The following NOS1 variants were observed in gnomAD, a reference collection of about 807,000 sequenced individuals.
The protein encoded by NOS1 is NOS type I.
Under a neutral mutation model 164.5 loss-of-function variants are expected in NOS1, and 51 were observed. That is an observed-to-expected ratio of 0.31 (90% CI 0.25 to 0.39). NOS1 has a LOEUF of 0.39. NOS1 is among the 10% of genes least tolerant of loss of function. NOS1 has a pLI of 1.00. For missense variants in NOS1, 1,362 were observed against 1,885.6 expected, an observed-to-expected ratio of 0.72 and a Z score of 5.14; for synonymous variants, 719 against 745.8, an observed-to-expected ratio of 0.96 and a Z score of 0.59.
chr12:117,255,931 T>C (rs753050345), intron 16 of NOS1: 1 of 1,489,892 alleles, frequency 6.7e-7, no homozygotes, highest in Non-Finnish European at 8.9e-7. Context: ...ACATGCACAC[T>C]CTACCTGTGC....
At chr12:117,235,938 G>A (rs1280519765) in intron 20 of NOS1, among the ~76,000 whole-genome samples, 5 of 152,182 alleles carry the variant, frequency 3.3e-5, no homozygotes, top group Non-Finnish European at 7.3e-5. Context: ...AGCTACTTGG[G>A]AGGCTGAGGC....
chr12:117,333,170 T>C (rs1324375916), intron 1 of NOS1, among the ~76,000 whole-genome samples: 1 of 152,188 alleles, frequency 6.6e-6, no homozygotes, highest in African/African-American at 2.4e-5. Flanking sequence ...TTGTAATTAT[T>C]AGTTTGTTGC....
chr12:117,318,719 G>A (rs1158901372), intron 2 of NOS1, among the ~76,000 whole-genome samples: 1 of 152,236 alleles, frequency 6.6e-6, no homozygotes. Flanking sequence ...AGGGGAGCAG[G>A]TGGGCCAAGC....
chr12:117,268,340 C>A (rs1322611321), intron 10 of NOS1, among the ~76,000 whole-genome samples, 196 bp from the exon 11 acceptor site: 1 of 152,004 alleles, frequency 6.6e-6, no homozygotes, highest in Non-Finnish European at 1.5e-5. Flanking sequence ...AAGCGATTCT[C>A]CTGCCTCAGC....
At chr12:117,341,310 G>A (rs1035423736) in intron 1 of NOS1, among the ~76,000 whole-genome samples, 1 of 152,100 alleles carries the variant, frequency 6.6e-6, no homozygotes, top group African/African-American at 2.4e-5. Flanking sequence ...GTCGGAACAC[G>A]GCACATGAAA....
rs1307339010 is a variant in NOS1 at position 117,211,227 on chromosome 12, G to C, written c.*4082C>G. ...CCCACCTCGGCCTCCCAAAGTGCTGGGATTACAGACATGAGCTACCGCGCC... is the reference window on the plus strand; with the variant it reads ...CCCACCTCGGCCTCCCAAAGTGCTGCGATTACAGACATGAGCTACCGCGCC... On this transcript the variant is annotated 3_prime_UTR_variant, in exon 29 of 29. Transcript: ENST00000317775. The C allele has an allele frequency of 2.0e-6, 2 of 984,142 alleles. No homozygotes were observed. Among genetic ancestry groups the C allele is most frequent in the Non-Finnish European group, 2.4e-6 (2 of 829,006 alleles). The allele number at this position is 984,142 out of a possible 1,614,324, so 61.0% of individuals were successfully genotyped here. A position where few individuals can be genotyped will look rare whatever the true frequency, so the allele number is the denominator to read the frequency against.
chr12:117,248,465 A>C (rs1244452132), intron 17 of NOS1, among the ~76,000 whole-genome samples: 1 of 151,000 alleles, frequency 6.6e-6, no homozygotes. Flanking sequence ...TTTGTTCTTG[A>C]GATAGTTTAC....
At chr12:117,271,857 G>C (rs1872812729) in intron 10 of NOS1, among the ~76,000 whole-genome samples, 1 of 152,214 alleles carries the variant, frequency 6.6e-6, no homozygotes, top group South Asian at 2.1e-4. Flanking sequence ...CAGACCCTCT[G>C]CCGAGAAATG....
chr12:117,294,351 G>A (rs1449361348), intron 3 of NOS1, among the ~76,000 whole-genome samples: 1 of 152,122 alleles, frequency 6.6e-6, no homozygotes, highest in African/African-American at 2.4e-5. Flanking sequence ...GGGGAGGAGC[G>A]AGATAACAGG....
rs773556747 is a variant in NOS1 at position 117,330,354 on chromosome 12, T to G, written c.716A>C (p.Gln239Pro). 236 of 1,611,404 alleles carry G rather than the reference T, an allele frequency of 1.5e-4. No homozygotes were observed. Among genetic ancestry groups the G allele is most frequent in the Non-Finnish European group, 2.0e-4 (233 of 1,178,576 alleles). The change falls in exon 2 of 29, where the codon CAG (glutamine) becomes CCG (proline). Residue 239 changes from glutamine to proline, a missense_variant. By Grantham distance (76) the Gln-to-Pro change is moderately conservative. Around this residue, in one of 4 missense-constraint regions of NOS1, gnomAD observed 362 missense variants for 402.0 expected, o/e 0.90. Transcript: ENST00000317775. This position sits in a 1 kb window ranked among gnomAD's most constrained non-coding sequence, Gnocchi z 4.6. ...AKAEMKDMGI[Q>P]VDRDLDGKSH... ...CCCCTGTGGAGCTTACCTGTCCACC[T>G]GGATTCCCATATCTTTCATCTCTGC... is the stretch of plus-strand genomic sequence containing the variant.
chr12:117,268,790 GGTTT>G (rs1343892092), intron 10 of NOS1, among the ~76,000 whole-genome samples: 2 of 148,688 alleles, frequency 1.3e-5, no homozygotes, highest in Non-Finnish European at 3.0e-5. Context: ...GTAGAGAGGG[GGTTT>G]CACCGTGTTA....
At chr12:117,347,563 G>T (rs998936322) in intron 1 of NOS1, among the ~76,000 whole-genome samples, 8 of 152,108 alleles carry the variant, frequency 5.3e-5, no homozygotes, top group African/African-American at 1.9e-4. Flanking sequence ...TTGACTGTGG[G>T]ACCCCTGCTA....
chr12:117,328,851 C>T (rs1358580347), intron 2 of NOS1, among the ~76,000 whole-genome samples: 1 of 152,222 alleles, frequency 6.6e-6, no homozygotes, highest in African/African-American at 2.4e-5. Flanking sequence ...ATTGTGGGAA[C>T]ATCATAGAGT....
Position 117,333,771 on chromosome 12 carries a change from G to C in NOS1, c.-420-2282C>G, listed in dbSNP as rs370944786. Among the ~76,000 whole-genome samples the C allele has an allele frequency of 1.3e-5, 2 of 152,048 alleles. 1 individual carries two copies. Among genetic ancestry groups the C allele is most frequent in the Non-Finnish European group, 2.9e-5 (2 of 68,024 alleles). On this transcript the variant is annotated intron_variant, in intron 1 of 28. Coordinates refer to ENST00000317775, the MANE Select transcript of NOS1 (RefSeq NM_000620.5). ...GGTGTCAACCGGCTGAGTGTCTTTC[G>C]GCATCTTGCTGCTGGGTTCTGGTTT... is the stretch of plus-strand genomic sequence containing the variant.
chr12:117,233,478 G>A (rs947681751), intron 21 of NOS1, among the ~76,000 whole-genome samples: 9 of 151,810 alleles, frequency 5.9e-5, no homozygotes, highest in African/African-American at 7.3e-5. Flanking sequence ...GATTACAGGC[G>A]TCAGCCACCT....
At chr12:117,236,499 A>G (rs1339130489) in intron 20 of NOS1, among the ~76,000 whole-genome samples, 1 of 152,204 alleles carries the variant, frequency 6.6e-6, no homozygotes, top group African/African-American at 2.4e-5. Flanking sequence ...TGGCAGTATT[A>G]GAGTCTGGAG....
At chr12:117,302,385 G>C (rs1454421796) in intron 3 of NOS1, among the ~76,000 whole-genome samples, 1 of 152,024 alleles carries the variant, frequency 6.6e-6, no homozygotes. Flanking sequence ...ATGAGGTCAG[G>C]AGATCGAGAC....
intron 22 of NOS1, among the ~76,000 whole-genome samples, chr12:117,230,868 A>G (rs1869151219): frequency 6.6e-6 from 1 of 152,188 alleles, no homozygotes; most frequent in South Asian, 2.1e-4. Flanking sequence ...CAGTAAGACA[A>G]ATTTTGCACG....
intron 1 of NOS1, among the ~76,000 whole-genome samples, chr12:117,340,970 C>A (rs1876083352): frequency 6.6e-6 from 1 of 150,966 alleles, no homozygotes; most frequent in Admixed American, 6.6e-5. Flanking sequence ...AGTGATCCAC[C>A]TGCCTCGGCC....
Sources: allele counts gnomAD v4.1 joint callset (sites outside exome capture counted in the v4.1 genomes callset), GRCh38; gene constraint gnomAD v4.1.1; regional missense constraint gnomAD v4.1.1; non-coding constraint Gnocchi (gnomAD v3.1); transcripts MANE v1.5; gene names NCBI Gene and HGNC (gene_info 2026-07-23, HGNC 2026-07-21).